Variants in PCDH7 observed in about 807,000 individuals in gnomAD.
The protein encoded by PCDH7 is protocadherin-7.
Under a neutral mutation model 58.9 loss-of-function variants are expected in PCDH7, and 17 were observed. The observed-to-expected ratio is 0.29, with a 90% CI of 0.20 to 0.43. PCDH7 has a LOEUF of 0.43. PCDH7 is among the 20% of genes least tolerant of loss of function. The pLI is 1.00. For synonymous variants in PCDH7, 664 were observed against 616.4 expected (o/e 1.08, Z -1.14); for missense variants, 1,274 against 1,441.0 (o/e 0.88, Z 1.88).
At chr4:30,940,045 A>G (rs61795878) in intron 2 of PCDH7, among the ~76,000 whole-genome samples, 72,875 of 151,392 alleles carry the variant, frequency 0.48, 17,767 homozygotes, top group African/African-American at 0.56. Flanking sequence ...CCTGAAATCT[A>G]AGATCAATGA....
rs150114958 is a variant in PCDH7, at chr4:30,725,763, A to T, written c.3174+1167A>T. ...CTTTGCATGTGGAATGTGGAATCCG[A>T]GAAGAATTGAGGCAAAGGAAAAAGT... On this transcript the variant is annotated intron_variant, in intron 1 of 1. Coordinates refer to ENST00000361762, the Ensembl canonical transcript of PCDH7. 7.2e-5 allele frequency among the ~76,000 whole-genome samples: 11 copies of T among 152,264 alleles called. No individual in the cohort carries two copies. The East Asian group carries it at 2.1e-3, about 29-fold the overall frequency.
chr4:31,005,527 G>A (rs1022653453), intron 3 of PCDH7, among the ~76,000 whole-genome samples: 1 of 152,210 alleles, frequency 6.6e-6, no homozygotes, highest in Non-Finnish European at 1.5e-5. Context: ...AAATTGGGAA[G>A]TAATGATTTG....
chr4:30,786,057 GT>G (rs1256344199), intron 1 of PCDH7, among the ~76,000 whole-genome samples: 9 of 152,000 alleles, frequency 5.9e-5, no homozygotes, highest in African/African-American at 2.2e-4. Flanking sequence ...TTTTGAAGGA[GT>G]TTTTATCATA....
At chr4:30,966,691 AGTT>A (rs1455496678) in intron 3 of PCDH7, among the ~76,000 whole-genome samples, 1 of 152,120 alleles carries the variant, frequency 6.6e-6, no homozygotes, top group Non-Finnish European at 1.5e-5. Context: ...CCATATTGTC[AGTT>A]GTTGAAACAA....
chr4:31,059,392 A>G (rs1347843513), intron 3 of PCDH7, among the ~76,000 whole-genome samples: 1 of 151,774 alleles, frequency 6.6e-6, no homozygotes, highest in Non-Finnish European at 1.5e-5. Flanking sequence ...AAATCAATTT[A>G]GGTATAGTTA....
rs1722372969 is a variant in PCDH7 at position 30,778,589 on chromosome 4, T to A, written c.70+53993T>A. Among the ~76,000 whole-genome samples the A allele has an allele frequency of 2.0e-5, 3 of 152,318 alleles. No individual in the cohort carries two copies. In the South Asian group the frequency reaches 6.2e-4, roughly 32 times the overall value. On this transcript the variant is annotated intron_variant, in intron 1 of 3. Transcript: ENST00000509759. ...TTCATCTCACATCACACAGAAACTT[T>A]ACTACAAAGAATTTTTTTTTGTATT...
At chr4:30,993,705 A>T (rs1028625234) in intron 3 of PCDH7, among the ~76,000 whole-genome samples, 1 of 152,154 alleles carries the variant, frequency 6.6e-6, no homozygotes, top group South Asian at 2.1e-4. Flanking sequence ...AGGAAAAAAT[A>T]CTTTAAGAGA....
intron 1 of PCDH7, among the ~76,000 whole-genome samples, chr4:30,741,890 T>G (rs1386894071): frequency 6.6e-6 from 1 of 151,990 alleles, no homozygotes; most frequent in African/African-American, 2.4e-5. Flanking sequence ...TCAAGGAGGG[T>G]TCAAGAGAAG....
At chr4:31,067,646 AAT>A (rs1377240228) in intron 3 of PCDH7, among the ~76,000 whole-genome samples, 2 of 151,910 alleles carry the variant, frequency 1.3e-5, no homozygotes, top group Admixed American at 1.3e-4. Flanking sequence ...AAATATATGA[AAT>A]GAGTAAGAAG....
chr4:30,846,531 A>G (rs528318309), intron 1 of PCDH7, among the ~76,000 whole-genome samples: 82 of 151,014 alleles, frequency 5.4e-4, no homozygotes, highest in Non-Finnish European at 1.1e-3. Flanking sequence ...GTATTATGTT[A>G]TAGTAACACA....
chr4:31,062,087 G>C (rs971338564), intron 3 of PCDH7, among the ~76,000 whole-genome samples: 2 of 151,676 alleles, frequency 1.3e-5, no homozygotes, highest in African/African-American at 4.8e-5. Flanking sequence ...TACTCATGTA[G>C]TTTGTATGTT....
chr4:30,898,916 C>T (rs1206441977), intron 1 of PCDH7, among the ~76,000 whole-genome samples: 1 of 151,846 alleles, frequency 6.6e-6, no homozygotes, highest in African/African-American at 2.4e-5. Context: ...TTAGCAAATG[C>T]CTTTTTTTTT....
chr4:30,741,364 A>G (rs1717053739), intron 1 of PCDH7, among the ~76,000 whole-genome samples: 1 of 151,980 alleles, frequency 6.6e-6, no homozygotes, highest in African/African-American at 2.4e-5. Flanking sequence ...CTAGTTAAAA[A>G]AAAAAAAATT....
intron 3 of PCDH7, among the ~76,000 whole-genome samples, chr4:31,064,492 T>C (rs1757925903): frequency 6.6e-6 from 1 of 151,936 alleles, no homozygotes; most frequent in South Asian, 2.1e-4. Context: ...TCTTTCACAG[T>C]TTTGGATGTT....
exon 2 of PCDH7, chr4:30,732,677 G>A (rs1715685618): frequency 1.3e-5 from 2 of 151,870 alleles, no homozygotes; most frequent in Admixed American, 6.6e-5. Flanking sequence ...TTCTGTTCTC[G>A]GTTGCTATGT....
At chr4:31,138,975 C>CAA (rs199822943) in intron 3 of PCDH7, among the ~76,000 whole-genome samples, 6 of 88,972 alleles carry the variant, frequency 6.7e-5, no homozygotes, top group East Asian at 2.9e-4. Flanking sequence ...GATCCTGTCT[C>CAA]AAAAAAAAAA....
rs1346606607 is a variant in PCDH7 at position 30,723,448 on chromosome 4, C to T, written c.2026C>T (p.Leu676=). Reference sequence around the variant, plus strand: ...CAAGGGGCGGAATGCAGAGATGAGCCTGTACATAGAGGAGAACAATAACAT... The same window carrying T: ...CAAGGGGCGGAATGCAGAGATGAGCTTGTACATAGAGGAGAACAATAACAT... The change falls in exon 1 of 2, where the codon CTG becomes TTG. Residue 676 remains leucine (L), a synonymous_variant. Coordinates refer to ENST00000361762, the Ensembl canonical transcript of PCDH7. The surrounding 1 kb of genome is among the most constrained non-coding windows in gnomAD (Gnocchi z 4.6). 4 of 1,614,024 alleles carry T rather than the reference C, an allele frequency of 2.5e-6. No individual in the cohort carries two copies. The highest frequency in any genetic ancestry group is 3.4e-6 in the Non-Finnish European group (4 of 1,180,036).
chr4:30,931,267 G>T (rs1744543169), intron 2 of PCDH7, among the ~76,000 whole-genome samples: 1 of 152,064 alleles, frequency 6.6e-6, no homozygotes, highest in Non-Finnish European at 1.5e-5. Flanking sequence ...AAGAAAAAAA[G>T]AAGTTGAATT....
chr4:30,839,752 C>CATCT (rs1387780367), intron 1 of PCDH7, among the ~76,000 whole-genome samples: 2 of 152,080 alleles, frequency 1.3e-5, no homozygotes, highest in African/African-American at 4.8e-5. Flanking sequence ...TACTAAAAGC[C>CATCT]ATCTGCTATC....
Sources: gnomAD v4.1 joint callset for allele counts (sites outside exome capture counted in the v4.1 genomes callset) on GRCh38, gnomAD v4.1.1 for gene constraint, Gnocchi (gnomAD v3.1) non-coding constraint, MANE v1.5 for transcripts, NCBI Gene and HGNC (gene_info 2026-07-23, HGNC 2026-07-21) for gene names.